Variants in TANC2 observed in about 807,000 individuals in gnomAD.
TANC2 encodes the protein tetratricopeptide repeat, ankyrin repeat and coiled-coil containing 2, also known as protein TANC2.
In TANC2, 26 loss-of-function variants were observed where a neutral mutation model predicts 210.5. The ratio of observed to expected loss-of-function variants is 0.12; its 90% CI spans 0.09 to 0.17. The LOEUF is 0.17. Among genes scored for constraint, TANC2 ranks in the 10% least tolerant of loss-of-function variants. The pLI, the probability that TANC2 is intolerant of heterozygous loss-of-function variation, is 1.00. For missense variants in TANC2, 2,129 were observed against 2,608.9 expected (o/e 0.82, Z 4.01); for synonymous variants, 931 against 967.1 (o/e 0.96, Z 0.69).
intron 5 of TANC2, among the ~76,000 whole-genome samples, chr17:63,179,758 A>C (rs2145639088): frequency 6.6e-6 from 1 of 152,136 alleles, no homozygotes; most frequent in South Asian, 2.1e-4. Flanking sequence ...ACCCTCCTCT[A>C]AGAATCCTGT....
intron 1 of TANC2, among the ~76,000 whole-genome samples, chr17:62,980,869 A>T (rs1336601730): frequency 6.6e-6 from 1 of 152,112 alleles, no homozygotes; most frequent in African/African-American, 2.4e-5. Context: ...GTACCCTCAT[A>T]TCCTCATTTC....
At chr17:63,024,547 ATC>A (rs1043219635) in intron 2 of TANC2, among the ~76,000 whole-genome samples, 1 of 152,062 alleles carries the variant, frequency 6.6e-6, no homozygotes, top group Non-Finnish European at 1.5e-5. Flanking sequence ...CTGATCTCCT[ATC>A]TCATTCTGTG....
At chr17:63,187,732 A>C (rs1389326507) in intron 5 of TANC2, among the ~76,000 whole-genome samples, 1 of 152,160 alleles carries the variant, frequency 6.6e-6, no homozygotes, top group African/African-American at 2.4e-5. Flanking sequence ...AAACTGCTTA[A>C]AACTAATGAT....
In TANC2 at chr17:63,266,792, A is replaced by G. The variant is rs1899633; in HGVS notation, c.1034-956A>G. Among the ~76,000 whole-genome samples the G allele has an allele frequency of 4.1e-3, 617 of 152,002 alleles. 5 individuals are homozygous for G. Among genetic ancestry groups the G allele is most frequent in the African/African-American group, 0.014 (598 of 41,438 alleles). ...TAGGGGTTTTTTTTCCCTCTCACCA[A>G]CTCAAACCAGTTGTTAGTAATAAGT... On this transcript the variant is annotated intron_variant, in intron 8 of 27. Transcript: ENST00000689528.
At chr17:63,051,326 A>C (rs572701624) in intron 2 of TANC2, among the ~76,000 whole-genome samples, 46 of 152,296 alleles carry the variant, frequency 3.0e-4, no homozygotes, top group Middle Eastern at 3.4e-3. Flanking sequence ...TTGCAAATAA[A>C]ATCTGGTACT....
At chr17:63,374,672 C>T (rs2047373124) in intron 14 of TANC2, among the ~76,000 whole-genome samples, 1 of 152,094 alleles carries the variant, frequency 6.6e-6, no homozygotes, top group African/African-American at 2.4e-5. Flanking sequence ...AGAGGGAAAG[C>T]ATGTTTGAAA....
intron 17 of TANC2, among the ~76,000 whole-genome samples, chr17:63,392,839 TAAATA>T (rs1798420067): frequency 6.6e-6 from 1 of 152,198 alleles, no homozygotes; most frequent in Non-Finnish European, 1.5e-5. Flanking sequence ...ATAATAAAAG[TAAATA>T]AAATAATTCT....
intron 5 of TANC2, 179 bp from the exon 6 acceptor site, chr17:63,193,812 T>C (rs989028584): frequency 1.9e-5 from 11 of 582,388 alleles, no homozygotes; most frequent in Non-Finnish European, 2.9e-5. Context: ...GTGTAAATTT[T>C]TTACTTGGAA....
chr17:63,401,104 A>G (rs908782269), intron 19 of TANC2, among the ~76,000 whole-genome samples: 1 of 152,236 alleles, frequency 6.6e-6, no homozygotes, highest in Non-Finnish European at 1.5e-5. Context: ...GTTATTAAAC[A>G]TACATGTGCC....
chr17:62,998,123 C>G (rs1334005466), intron 1 of TANC2, among the ~76,000 whole-genome samples: 1 of 152,054 alleles, frequency 6.6e-6, no homozygotes, highest in Non-Finnish European at 1.5e-5. Context: ...TTTCATAATA[C>G]AATTGCAAAT....
At chr17:63,410,728 G>A (rs2048668849) in intron 21 of TANC2, among the ~76,000 whole-genome samples, 1 of 151,810 alleles carries the variant, frequency 6.6e-6, no homozygotes, top group Admixed American at 6.6e-5. Flanking sequence ...AGGCATGGTG[G>A]TGCATGCCTT....
rs529712470 is a variant in TANC2 at position 63,331,107 on chromosome 17, C to G, written c.1576-8994C>G. ...ATAATAATGTATCTGGGGTGTGCCC[C>G]TACTTGACATTGCCAAGTGTGTTTC... On this transcript the variant is annotated intron_variant, in intron 11 of 27. Transcript: ENST00000689528. Among the ~76,000 whole-genome samples, 56 of 152,176 alleles carry G rather than the reference C, an allele frequency of 3.7e-4. 1 individual carries two copies. Among genetic ancestry groups the G allele is most frequent in the Non-Finnish European group, 4.9e-4 (33 of 68,012 alleles).
At chr17:63,379,520 T>C (rs1306909700) in intron 14 of TANC2, among the ~76,000 whole-genome samples, 198 bp from the exon 15 acceptor site, 1 of 151,998 alleles carries the variant, frequency 6.6e-6, no homozygotes, top group African/African-American at 2.4e-5. Flanking sequence ...AATAGAAAAA[T>C]TAGCCAGACA....
At position 63,395,585 on chromosome 17, in the gene TANC2, T is replaced by C. The variant is rs948488059; in HGVS notation, c.3052-158T>C. Reference sequence around the variant, plus strand: ...GCATAGTTGTAGCTCAGTAATAATCTAGGCTGAGCAGAGTCTCCTGAATTT... The same window carrying C: ...GCATAGTTGTAGCTCAGTAATAATCCAGGCTGAGCAGAGTCTCCTGAATTT... On this transcript the variant is annotated intron_variant, in intron 17 of 27. Transcript: ENST00000689528. Among the ~76,000 whole-genome samples the C allele has an allele frequency of 2.0e-5, 3 of 152,194 alleles. No homozygotes were observed. The East Asian group carries it at 5.8e-4, about 29-fold the overall frequency.
intron 14 of TANC2, among the ~76,000 whole-genome samples, chr17:63,357,031 A>G (rs1273435791): frequency 2.0e-5 from 3 of 152,188 alleles, no homozygotes; most frequent in Non-Finnish European, 4.4e-5. Context: ...AATAAAAACA[A>G]TCCAAGTCCC....
intron 3 of TANC2, among the ~76,000 whole-genome samples, chr17:63,086,885 T>G (rs2036987325): frequency 6.6e-6 from 1 of 151,586 alleles, no homozygotes. Flanking sequence ...CCAATCAGCA[T>G]TCTATAAAAT....
intron 9 of TANC2, among the ~76,000 whole-genome samples, chr17:63,278,377 T>C (rs545095166): frequency 6.6e-6 from 1 of 152,186 alleles, no homozygotes; most frequent in South Asian, 2.1e-4. Flanking sequence ...GAAAAAATGC[T>C]CAATATCACT....
chr17:63,339,409 G>A (rs1435571789), intron 11 of TANC2, among the ~76,000 whole-genome samples: 1 of 152,116 alleles, frequency 6.6e-6, no homozygotes, highest in Non-Finnish European at 1.5e-5. Context: ...TAGAACTCCA[G>A]GTCCTAGCCA....
At chr17:63,333,841 C>T (rs2045939112) in intron 11 of TANC2, among the ~76,000 whole-genome samples, 1 of 152,162 alleles carries the variant, frequency 6.6e-6, no homozygotes, top group South Asian at 2.1e-4. Context: ...GGAAGACCCC[C>T]CTACACAAGC....
Sources: gnomAD v4.1 joint callset for allele counts (sites outside exome capture counted in the v4.1 genomes callset) on GRCh38, gnomAD v4.1.1 for gene constraint, MANE v1.5 for transcripts, NCBI Gene and HGNC (gene_info 2026-07-23, HGNC 2026-07-21) for gene names.